Variants in NCOR2 observed in about 807,000 individuals in gnomAD.
NCOR2 encodes nuclear receptor corepressor 2.
In NCOR2, 81 loss-of-function variants were observed where a neutral mutation model predicts 262.9. That is an observed-to-expected ratio of 0.31 (90% CI 0.26 to 0.37). The LOEUF is 0.37. Ranked by LOEUF, NCOR2 falls within the 10% of genes least tolerant of loss-of-function variation. NCOR2 has a pLI of 1.00. For missense variants in NCOR2, 3,385 were observed against 3,621.4 expected (o/e 0.93, Z 1.68); for synonymous variants, 1,659 against 1,559.3 (o/e 1.06, Z -1.51).
At chr12:124,399,939 C>T (rs1010420095) in intron 15 of NCOR2, among the ~76,000 whole-genome samples, 11 of 152,078 alleles carry the variant, frequency 7.2e-5, no homozygotes, top group African/African-American at 2.4e-4. Flanking sequence ...CTGAGGCCCA[C>T]GGAAGTGAAG....
At chr12:124,355,283 G>GAGT in intron 24 of NCOR2, 149 bp downstream of exon 26, 5 of 959,472 alleles carry the variant, frequency 5.2e-6, no homozygotes, top group Non-Finnish European at 7.6e-6. Context: ...GCCTGGGGCA[G>GAGT]GACCCAGCCA....
intron 1 of NCOR2, among the ~76,000 whole-genome samples, chr12:124,533,268 C>T (rs2050943434): frequency 6.6e-6 from 1 of 151,956 alleles, no homozygotes; most frequent in South Asian, 2.1e-4. Context: ...GGAAAACTCC[C>T]CCGAGGTAAC....
intron 23 of NCOR2, 45 bp downstream of exon 25, chr12:124,356,597 T>G: frequency 7.2e-7 from 1 of 1,394,708 alleles, no homozygotes; most frequent in Non-Finnish European, 9.4e-7. Flanking sequence ...CAAACAGCGA[T>G]TGTGCACTGG....
At chr12:124,411,460 G>A (rs770471657) in intron 13 of NCOR2, among the ~76,000 whole-genome samples, 9 of 152,160 alleles carry the variant, frequency 5.9e-5, no homozygotes, top group Non-Finnish European at 8.8e-5. Flanking sequence ...AGCCCAGGAC[G>A]GGCTGTTCCC....
chr12:124,351,493 G>A (rs1256555160), intron 27 of NCOR2, among the ~76,000 whole-genome samples: 6 of 152,134 alleles, frequency 3.9e-5, no homozygotes, highest in African/African-American at 1.2e-4. Context: ...TAGGACAATC[G>A]AAAATGTCCC....
At chr12:124,333,857 T>TGC (rs67931845) in intron 41 of NCOR2, among the ~76,000 whole-genome samples, 2 of 9,986 alleles carry the variant, frequency 2.0e-4, no homozygotes, top group Admixed American at 2.4e-3. Flanking sequence ...CGGGTGTGCA[T>TGC]GTGTGTGTGC....
chr12:124,392,353 C>G (rs556104675), intron 16 of NCOR2, among the ~76,000 whole-genome samples: 6 of 152,212 alleles, frequency 3.9e-5, no homozygotes, highest in Non-Finnish European at 8.8e-5. Context: ...GACTGTTTCT[C>G]ACATATCCGG....
In NCOR2 at chr12:124,481,428, A is replaced by G. The variant is rs2047477910; in HGVS notation, c.411+2168T>C. 6.6e-6 allele frequency among the ~76,000 whole-genome samples: 1 copy of G among 152,180 alleles called. No homozygotes were observed. Among genetic ancestry groups the G allele is most frequent in the Non-Finnish European group, 1.5e-5 (1 of 68,008 alleles). On this transcript the variant is annotated intron_variant, in intron 3 of 46. Transcript: ENST00000405201. The surrounding 1 kb of genome is among the most constrained non-coding windows in gnomAD (Gnocchi z 4.6). The stretch of plus-strand genomic sequence containing the variant: ...GAGGACGTGGTGGGGCTGCAGCCTC[A>G]GCCATGAGTGGCCTCGAGAGTCCCC...
rs2037979457 is a variant in NCOR2, at chr12:124,356,639, T to C, written c.3241+3A>G. 2 of 1,432,400 alleles carry C rather than the reference T, an allele frequency of 1.4e-6. No individual in the cohort carries two copies. Among genetic ancestry groups the C allele is most frequent in the East Asian group, 2.8e-5 (1 of 36,050 alleles). The allele number at this position is 1,432,400 out of a possible 1,614,324, so 88.7% of individuals were successfully genotyped here. ...AAGCCCAAGCTCGGGCGGAGCTACTTACCAGGTGGAGCGTAGGAGAAGGCT... is the reference window on the plus strand; with the variant it reads ...AAGCCCAAGCTCGGGCGGAGCTACTCACCAGGTGGAGCGTAGGAGAAGGCT... On this transcript the variant is annotated splice_donor_region_variant and intron_variant, in intron 23 of 46. Transcript: ENST00000405201.
At chr12:124,555,505 C>A (rs552609311) in intron 1 of NCOR2, among the ~76,000 whole-genome samples, 11 of 152,196 alleles carry the variant, frequency 7.2e-5, no homozygotes, top group Non-Finnish European at 1.3e-4. Flanking sequence ...AGCAGTCCCC[C>A]CAAGCGTCCA....
intron 13 of NCOR2, among the ~76,000 whole-genome samples, chr12:124,407,665 G>C (rs1008751328): frequency 6.6e-6 from 1 of 152,200 alleles, no homozygotes; most frequent in African/African-American, 2.4e-5. Context: ...CCCACGTAGG[G>C]GTTGATGAGA....
At position 124,469,319 on chromosome 12, in the gene NCOR2, T is replaced by C. The variant is rs1328257213; in HGVS notation, c.592-3033A>G. On this transcript the variant is annotated intron_variant, in intron 4 of 46. Coordinates refer to ENST00000405201, the Ensembl canonical transcript of NCOR2. ...ACAGGAAAAGCCAGAAAATCCAGGA[T>C]GCTGGCTTTTACAGACTCCATCGCT... Among the ~76,000 whole-genome samples the C allele has an allele frequency of 2.6e-5, 4 of 152,086 alleles. 1 individual carries two copies. The highest frequency in any genetic ancestry group is 2.6e-4 in the Admixed American group (4 of 15,278).
At chr12:124,355,154 C>G in intron 24 of NCOR2, 1 of 614,096 alleles carries the variant, frequency 1.6e-6, no homozygotes, top group Non-Finnish European at 2.8e-6. Flanking sequence ...ATTTGCCCTT[C>G]CATTTCGCAG....
intron 9 of NCOR2, among the ~76,000 whole-genome samples, chr12:124,429,938 A>G (rs1047853352): frequency 1.3e-5 from 2 of 152,054 alleles, no homozygotes; most frequent in African/African-American, 4.8e-5. Context: ...TCTCTCCTAA[A>G]ACACCCTGAA....
At chr12:124,377,235 C>T (rs769540086) in intron 18 of NCOR2, among the ~76,000 whole-genome samples, 5 of 152,190 alleles carry the variant, frequency 3.3e-5, no homozygotes, top group African/African-American at 9.6e-5. Context: ...ACCATGCACA[C>T]GATGGCTTTA....
At chr12:124,333,890 G>GTGTGCGCGCA (rs2035545190) in intron 41 of NCOR2, among the ~76,000 whole-genome samples, 2 of 143,352 alleles carry the variant, frequency 1.4e-5, no homozygotes, top group South Asian at 2.1e-4. Flanking sequence ...GTGTGCATGT[G>GTGTGCGCGCA]TGTGTGCGCG....
At position 124,378,406 on chromosome 12, in the gene NCOR2, G is replaced by T; in HGVS notation, c.2020-22C>A. Reference sequence around the variant, plus strand: ...TCTCCTGGGGCACAGGGAAGCAGCAGATCAGGACTGGGGCCTGGGCTGTCA... The same window carrying T: ...TCTCCTGGGGCACAGGGAAGCAGCATATCAGGACTGGGGCCTGGGCTGTCA... On this transcript the variant is annotated intron_variant, in intron 17 of 46. Transcript: ENST00000405201. This position sits in a 1 kb window ranked among gnomAD's most constrained non-coding sequence, Gnocchi z 4.2. The T allele has an allele frequency of 6.2e-7, 1 of 1,602,178 alleles. No homozygotes were observed. Among genetic ancestry groups the T allele is most frequent in the Non-Finnish European group, 8.5e-7 (1 of 1,175,862 alleles).
At chr12:124,337,500 C>T (rs1164562174) in intron 37 of NCOR2, among the ~76,000 whole-genome samples, 4 of 152,218 alleles carry the variant, frequency 2.6e-5, no homozygotes, top group Admixed American at 6.5e-5. Context: ...AAACAGACTA[C>T]GATCACATTA....
At position 124,344,689 on chromosome 12, in the gene NCOR2, AG is replaced by A; in HGVS notation, c.4621del (p.Leu1541Ter). On this transcript the variant is annotated frameshift_variant, in exon 32 of 47. Coordinates refer to ENST00000405201, the Ensembl canonical transcript of NCOR2. LOFTEE classifies it high-confidence loss of function. ...GGGTGCCCCGTGGTCCTCATAGGTC[AG>A]GGGGCTCTGCCGCGGCTTACCCAGC... The A allele has an allele frequency of 6.5e-7, 1 of 1,528,296 alleles. No individual in the cohort carries two copies. The highest frequency in any genetic ancestry group is 8.8e-7 in the Non-Finnish European group (1 of 1,131,230). The allele number at this position is 1,528,296 out of a possible 1,614,324, so 94.7% of individuals were successfully genotyped here. A position where few individuals can be genotyped will look rare whatever the true frequency, so the allele number is the denominator to read the frequency against.
Sources: gnomAD v4.1 joint callset for allele counts (sites outside exome capture counted in the v4.1 genomes callset) on GRCh38, gnomAD v4.1.1 for gene constraint, Gnocchi (gnomAD v3.1) non-coding constraint, MANE v1.5 for transcripts, NCBI Gene and HGNC (gene_info 2026-07-23, HGNC 2026-07-21) for gene names.